DCLK2: variants seen among roughly 807,000 people sequenced by gnomAD.
DCLK2 encodes doublecortin like kinase 2.
In DCLK2, 31 loss-of-function variants were observed where a neutral mutation model predicts 78.4. That is an observed-to-expected ratio of 0.40 (90% CI 0.30 to 0.53). DCLK2 has a LOEUF of 0.53. Among genes scored for constraint, DCLK2 ranks in the 20% least tolerant of loss-of-function variants. DCLK2 has a pLI of 0.61. For synonymous variants in DCLK2, 407 were observed against 374.9 expected, an observed-to-expected ratio of 1.09 and a Z score of -0.99; for missense variants, 872 against 973.7, an observed-to-expected ratio of 0.90 and a Z score of 1.39.
chr4:150,123,573 C>T (rs1489613270), intron 2 of DCLK2, among the ~76,000 whole-genome samples: 1 of 152,104 alleles, frequency 6.6e-6, no homozygotes, highest in South Asian at 2.1e-4. Flanking sequence ...ATATGACAGA[C>T]GTGAAGCGAG....
intron 10 of DCLK2, among the ~76,000 whole-genome samples, chr4:150,238,590 C>G (rs1388720786): frequency 6.6e-6 from 1 of 152,154 alleles, no homozygotes; most frequent in Non-Finnish European, 1.5e-5. Flanking sequence ...ATTATCTAAT[C>G]AGCCAGTCCT....
At chr4:150,224,343 G>A (rs1489190438) in intron 7 of DCLK2, among the ~76,000 whole-genome samples, 158 bp from the exon 8 acceptor site, 3 of 151,414 alleles carry the variant, frequency 2.0e-5, no homozygotes, top group African/African-American at 4.9e-5. Context: ...TGAGACAGGA[G>A]GATCAGTTGA....
chr4:150,195,194 A>T (rs1244746898), intron 3 of DCLK2, among the ~76,000 whole-genome samples: 3 of 1,162 alleles, frequency 2.6e-3, no homozygotes, highest in Non-Finnish European at 4.4e-3. Context: ...ATATTATATA[A>T]ACAATATTAT....
chr4:150,117,637 C>T (rs1397201910), intron 2 of DCLK2, among the ~76,000 whole-genome samples: 4 of 152,188 alleles, frequency 2.6e-5, no homozygotes, highest in Non-Finnish European at 5.9e-5. Flanking sequence ...TTCCCTCCAT[C>T]CCCGCTGGAG....
intron 2 of DCLK2, among the ~76,000 whole-genome samples, chr4:150,111,416 C>G (rs1310206277): frequency 6.6e-6 from 1 of 152,064 alleles, no homozygotes; most frequent in Non-Finnish European, 1.5e-5. Context: ...AATATTTTCT[C>G]CTGTTGTGTA....
chr4:150,095,780 A>G (rs114997342), intron 1 of DCLK2, among the ~76,000 whole-genome samples: 3,600 of 152,328 alleles, frequency 0.024, 58 homozygotes, highest in Non-Finnish European at 0.037. Context: ...TTGCTTTACT[A>G]AACTCTTTGC....
chr4:150,173,750 G>A (rs1736726987), intron 2 of DCLK2, among the ~76,000 whole-genome samples: 1 of 152,064 alleles, frequency 6.6e-6, no homozygotes, highest in Non-Finnish European at 1.5e-5. Context: ...TTGCATTGGG[G>A]GAAACTTCAT....
At chr4:150,226,714 T>A (rs1244340533) in intron 8 of DCLK2, among the ~76,000 whole-genome samples, 1 of 152,222 alleles carries the variant, frequency 6.6e-6, no homozygotes, top group Non-Finnish European at 1.5e-5. Context: ...ATTCTATTTT[T>A]ATAATGCATG....
intron 4 of DCLK2, chr4:150,198,947 C>A: frequency 3.1e-6 from 2 of 646,092 alleles, no homozygotes; most frequent in Non-Finnish European, 4.8e-6. Flanking sequence ...GGTCGTTTTA[C>A]CCTTTTGAAC....
In DCLK2 at chr4:150,184,945, G is replaced by A. The variant is rs182448654; in HGVS notation, c.757-8193G>A. 3.2e-4 allele frequency among the ~76,000 whole-genome samples: 49 copies of A among 152,210 alleles called. 1 individual carries two copies. The highest frequency in any genetic ancestry group is 2.7e-3 in the Admixed American group (42 of 15,282). ...TTAATTCCTAACACACCCCACTCGG[G>A]TTCAGAATGTAAGTGTCCAGAGAAG... On this transcript the variant is annotated intron_variant, in intron 2 of 15. Coordinates refer to ENST00000296550, the MANE Select transcript of DCLK2 (RefSeq NM_001040260.4).
chr4:150,101,137 C>A (rs1420708723), intron 1 of DCLK2, among the ~76,000 whole-genome samples: 1 of 152,114 alleles, frequency 6.6e-6, no homozygotes, highest in African/African-American at 2.4e-5. Context: ...TGCTTGTAAT[C>A]CCAGCTACTT....
At chr4:150,161,511 T>C (rs907134429) in intron 2 of DCLK2, among the ~76,000 whole-genome samples, 3 of 152,184 alleles carry the variant, frequency 2.0e-5, no homozygotes, top group Non-Finnish European at 4.4e-5. Flanking sequence ...TATCAGATAA[T>C]TTATAAGACA....
chr4:150,186,279 A>G (rs1045068370), intron 2 of DCLK2, among the ~76,000 whole-genome samples: 1 of 152,104 alleles, frequency 6.6e-6, no homozygotes, highest in African/African-American at 2.4e-5. Flanking sequence ...CTCAGTGTTC[A>G]ACTCGTTTAA....
intron 15 of DCLK2, among the ~76,000 whole-genome samples, chr4:150,252,106 T>C (rs1001337548): frequency 6.6e-6 from 1 of 152,170 alleles, no homozygotes; most frequent in Non-Finnish European, 1.5e-5. Flanking sequence ...AAGTCAGAGT[T>C]GTCAAAGAAT....
intron 2 of DCLK2, among the ~76,000 whole-genome samples, chr4:150,137,587 G>A (rs542353777): frequency 6.6e-6 from 1 of 152,214 alleles, no homozygotes; most frequent in South Asian, 2.1e-4. Context: ...GAAAATAAAT[G>A]TTGATGAAGA....
chr4:150,095,220 G>T (rs1730371633), intron 1 of DCLK2, among the ~76,000 whole-genome samples: 2 of 152,170 alleles, frequency 1.3e-5, no homozygotes, highest in South Asian at 2.1e-4. Context: ...GCCAGCATCT[G>T]AGAAGCTCTC....
chr4:150,093,906 A>T (rs1400616324), intron 1 of DCLK2, among the ~76,000 whole-genome samples: 1 of 152,238 alleles, frequency 6.6e-6, no homozygotes, highest in Admixed American at 6.5e-5. Context: ...AAATAAACTC[A>T]AATATGTATG....
rs570485713 is a variant in DCLK2 at position 150,249,113 on chromosome 4, C to T, written c.1957-455C>T. Among the ~76,000 whole-genome samples the T allele has an allele frequency of 8.0e-4, 122 of 152,194 alleles. 1 individual carries two copies. Among genetic ancestry groups the T allele is most frequent in the African/African-American group, 2.8e-3 (117 of 41,538 alleles). On this transcript the variant is annotated intron_variant, in intron 14 of 15. Coordinates refer to ENST00000296550, the MANE Select transcript of DCLK2 (RefSeq NM_001040260.4). The stretch of plus-strand genomic sequence containing the variant: ...CTTGCTGCTCTCTTGGGCTAAATGA[C>T]GTGGTTCTTGGACCAAGTAGCTAAG...
At chr4:150,123,065 A>ACATT (rs1163424706) in intron 2 of DCLK2, among the ~76,000 whole-genome samples, 1 of 152,194 alleles carries the variant, frequency 6.6e-6, no homozygotes, top group East Asian at 1.9e-4. Flanking sequence ...TTCCAACCAA[A>ACATT]CATTCTCCAC....
Sources: gnomAD v4.1 joint callset for allele counts (sites outside exome capture counted in the v4.1 genomes callset) on GRCh38, gnomAD v4.1.1 for gene constraint, MANE v1.5 for transcripts, NCBI Gene and HGNC (gene_info 2026-07-23, HGNC 2026-07-21) for gene names.